Variants in KIF14 observed in about 807,000 individuals in gnomAD.
The protein encoded by KIF14 is kinesin-like protein KIF14.
A neutral mutation model predicts 176.2 loss-of-function variants in KIF14; 98 were observed. The ratio of observed to expected loss-of-function variants is 0.56; its 90% CI spans 0.47 to 0.66. The LOEUF (loss-of-function observed/expected upper bound fraction) is 0.66. Among genes scored for constraint, KIF14 ranks in the 30% least tolerant of loss-of-function variants. The pLI, the probability that KIF14 is intolerant of heterozygous loss-of-function variation, is 0.00. For missense variants in KIF14, 1,751 were observed against 1,920.4 expected (o/e 0.91, Z 1.65); for synonymous variants, 566 against 632.2 (o/e 0.90, Z 1.57).
chr1:200,586,750 T>TA (rs1402570368), intron 18 of KIF14, among the ~76,000 whole-genome samples: 1 of 146,462 alleles, frequency 6.8e-6, no homozygotes, highest in Non-Finnish European at 1.5e-5. Context: ...CATCAACCAA[T>TA]GAATGGATAA....
chr1:200,593,614 A>G, intron 15 of KIF14, 53 bp downstream of exon 15: 3 of 1,130,172 alleles, frequency 2.7e-6, no homozygotes, highest in Admixed American at 3.6e-5. Flanking sequence ...AAGAAATTAA[A>G]TGACTTATCC....
chr1:200,600,474 C>CTT lies in KIF14; in HGVS notation c.2180_2181dup (p.Ala728LysfsTer22). ...ATATTCCGACTGTTTCTCTGAGCAG[C>CTT]TTTTAGCTTTGCAATTTCTGCCTTC... On this transcript the variant is annotated frameshift_variant, in exon 12 of 30. Coordinates refer to ENST00000367350, the MANE Select transcript of KIF14 (RefSeq NM_014875.3). LOFTEE classifies it high-confidence loss of function. 6.2e-7 allele frequency: 1 copy of CTT among 1,613,682 alleles called. No homozygotes were observed. Among genetic ancestry groups the CTT allele is most frequent in the Non-Finnish European group, 8.5e-7 (1 of 1,179,674 alleles).
intron 22 of KIF14, among the ~76,000 whole-genome samples, chr1:200,572,261 C>T (rs913106993): frequency 3.9e-5 from 6 of 152,168 alleles, no homozygotes; most frequent in Non-Finnish European, 7.4e-5. Flanking sequence ...TTTTTGGTAA[C>T]ATTTTAAATT....
chr1:200,592,777 C>T, intron 15 of KIF14, among the ~76,000 whole-genome samples: 1 of 152,176 alleles, frequency 6.6e-6, no homozygotes, highest in East Asian at 1.9e-4. Flanking sequence ...AATGTACTTA[C>T]ACAAACCTGG....
At chr1:200,580,582 A>G (rs1354978658) in intron 20 of KIF14, among the ~76,000 whole-genome samples, 199 bp from the exon 21 acceptor site, 1 of 152,062 alleles carries the variant, frequency 6.6e-6, no homozygotes, top group African/African-American at 2.4e-5. Flanking sequence ...AAAATCAAAA[A>G]TTTCTAATAA....
At chr1:200,609,919 T>C (rs1558089567) in intron 4 of KIF14, among the ~76,000 whole-genome samples, 1 of 152,244 alleles carries the variant, frequency 6.6e-6, no homozygotes, top group Admixed American at 6.5e-5. Context: ...CAACACATTA[T>C]GCTAAGTGAA....
At position 200,559,330 on chromosome 1, in the gene KIF14, C is replaced by T; in HGVS notation, c.4353G>A (p.Glu1451=). 1.3e-6 allele frequency: 2 copies of T among 1,548,490 alleles called. No individual in the cohort carries two copies. Among genetic ancestry groups the T allele is most frequent in the South Asian group, 1.3e-5 (1 of 79,070 alleles). ...CAGAATATTCTTTTATTCATCTTACCTCATTTTTTGTACACTGCCTAAAGA... is the reference window on the plus strand; with the variant it reads ...CAGAATATTCTTTTATTCATCTTACTTCATTTTTTGTACACTGCCTAAAGA... The part of the protein sequence containing the change: ...HELFRQCTKN[E]VTKEMKTNAM... The change falls in exon 27 of 30, where the codon GAG becomes GAA. Residue 1451 remains glutamate, a splice_region_variant and synonymous_variant. Coordinates refer to ENST00000367350, the MANE Select transcript of KIF14 (RefSeq NM_014875.3).
In KIF14 at chr1:200,569,919, T is replaced by C. The variant is rs2102609483; in HGVS notation, c.3653A>G (p.His1218Arg). 1 of 1,575,320 alleles carries C rather than the reference T, an allele frequency of 6.3e-7. No homozygotes were observed. The highest frequency in any genetic ancestry group is 1.7e-4 in the Middle Eastern group (1 of 5,942). ...VHPIKNLHSS[H>R]SSGLMDKSST... Reference sequence around the variant, plus strand: ...TGTGAAGAAAAAAATACCTGATGAATGTGAAGAATGCAAATTCTTAATTGG... The same window carrying C: ...TGTGAAGAAAAAAATACCTGATGAACGTGAAGAATGCAAATTCTTAATTGG... The change falls in exon 23 of 30, where the codon CAT becomes CGT. Residue 1218 changes from histidine to arginine, a missense_variant. His to Arg is a conservative substitution (Grantham distance 29). Transcript: ENST00000367350.
rs1656653274 is a variant in KIF14, at chr1:200,553,415, G to A, written c.4920C>T (p.Cys1640=). The change falls in exon 30 of 30, where the codon TGC becomes TGT. Residue 1640 remains cysteine, a synonymous_variant. Coordinates refer to ENST00000367350, the MANE Select transcript of KIF14 (RefSeq NM_014875.3). ...ACACCCACTGAATCCTACTGGGTGT[G>A]CATTCCTCTGAGCTCACTGCTGGGG... The part of the protein sequence containing the change: ...GSSPAVSSEE[C]TPSRIQWV 6.2e-7 allele frequency: 1 copy of A among 1,612,662 alleles called. No homozygotes were observed. The highest frequency in any genetic ancestry group is 1.3e-5 in the African/African-American group (1 of 74,826).
At chr1:200,588,248 GTTTTTTTT>G (rs201090107) in intron 18 of KIF14, among the ~76,000 whole-genome samples, 1 of 139,528 alleles carries the variant, frequency 7.2e-6, no homozygotes, top group African/African-American at 2.7e-5. Flanking sequence ...TGTTTGTTTT[GTTTTTTTT>G]TTTTTGACAG....
intron 23 of KIF14, among the ~76,000 whole-genome samples, chr1:200,568,926 T>G (rs890499940): frequency 6.7e-6 from 1 of 148,670 alleles, no homozygotes; most frequent in African/African-American, 2.5e-5. Context: ...TAGTAATTTT[T>G]TTTTTTTTTT....
chr1:200,613,046 C>T (rs978580768), intron 4 of KIF14, among the ~76,000 whole-genome samples: 7 of 151,926 alleles, frequency 4.6e-5, no homozygotes, highest in African/African-American at 1.5e-4. Flanking sequence ...TGCCACCACA[C>T]CTGGCTAATT....
At chr1:200,557,292 G>A (rs1656886506) in intron 27 of KIF14, among the ~76,000 whole-genome samples, 1 of 152,078 alleles carries the variant, frequency 6.6e-6, no homozygotes, top group African/African-American at 2.4e-5. Flanking sequence ...ATGAGCCACC[G>A]CGCCCAGCCG....
intron 27 of KIF14, among the ~76,000 whole-genome samples, chr1:200,558,080 G>A (rs555384148): frequency 1.2e-4 from 19 of 152,196 alleles, no homozygotes; most frequent in East Asian, 7.7e-4. Context: ...CTCAGCCTCC[G>A]GAGTAGCTGG....
At chr1:200,587,020 A>G (rs1658786145) in intron 18 of KIF14, among the ~76,000 whole-genome samples, 1 of 152,198 alleles carries the variant, frequency 6.6e-6, no homozygotes, top group Middle Eastern at 3.4e-3. Flanking sequence ...ACCTTTTGGC[A>G]CCAGGGACTG....
At chr1:200,603,456 T>C in intron 9 of KIF14, 115 bp from the exon 10 acceptor site, 1 of 557,752 alleles carries the variant, frequency 1.8e-6, no homozygotes, top group Non-Finnish European at 3.2e-6. Flanking sequence ...TTTTACTTTC[T>C]TTTTTTTTGA....
At chr1:200,581,379 A>AAT in intron 19 of KIF14, 85 bp from the exon 20 acceptor site, 1 of 621,368 alleles carries the variant, frequency 1.6e-6, no homozygotes, top group Non-Finnish European at 2.7e-6. Flanking sequence ...CTAAAAAAAA[A>AAT]ATCACTGATT....
chr1:200,595,775 C>T (rs943915005), intron 14 of KIF14, among the ~76,000 whole-genome samples: 8 of 150,716 alleles, frequency 5.3e-5, no homozygotes, highest in African/African-American at 1.7e-4. Context: ...ATGATGAAAT[C>T]GTCTCTACTA....
Position 200,552,899 on chromosome 1 carries a change from TA to T in KIF14, c.*488del, listed in dbSNP as rs1339744136. The T allele has an allele frequency of 7.4e-6, 1 of 135,708 alleles. No individual in the cohort carries two copies. Among genetic ancestry groups the T allele is most frequent in the Non-Finnish European group, 1.5e-5 (1 of 66,680 alleles). 8.4% of individuals were successfully genotyped at this position (135,708 alleles called of 1,614,324 possible). ...GACAGTATACCAATGTTAAACACTT[TA>T]AAGATAAAAATATATTTTATTTATT... On this transcript the variant is annotated 3_prime_UTR_variant, in exon 30 of 30. Transcript: ENST00000367350.
Sources: gnomAD v4.1 joint callset for allele counts (sites outside exome capture counted in the v4.1 genomes callset) on GRCh38, gnomAD v4.1.1 for gene constraint, MANE v1.5 for transcripts, NCBI Gene and HGNC (gene_info 2026-07-23, HGNC 2026-07-21) for gene names.